Variants in GALNTL6 observed in about 807,000 individuals in gnomAD.
The protein encoded by GALNTL6 is polypeptide N-acetylgalactosaminyltransferase like 6.
In GALNTL6, 46 loss-of-function variants were observed where a neutral mutation model predicts 73.7. That is an observed-to-expected ratio of 0.62 (90% CI 0.49 to 0.80). The LOEUF is 0.80. GALNTL6 is among the 30% of genes least tolerant of loss of function. The pLI is 0.00. For missense variants in GALNTL6, 604 were observed against 755.0 expected, an observed-to-expected ratio of 0.80 and a Z score of 2.34; for synonymous variants, 259 against 263.7, an observed-to-expected ratio of 0.98 and a Z score of 0.17.
intron 3 of GALNTL6, among the ~76,000 whole-genome samples, chr4:172,285,387 C>T (rs1459384225): frequency 6.6e-6 from 1 of 152,016 alleles, no homozygotes; most frequent in Non-Finnish European, 1.5e-5. Flanking sequence ...ATACCTAATC[C>T]CCATCCTGCC....
Position 171,987,318 on chromosome 4 carries a change from C to A in GALNTL6, c.138+172600C>A, listed in dbSNP as rs180873626. 1.8e-3 allele frequency among the ~76,000 whole-genome samples: 274 copies of A among 152,246 alleles called. 6 individuals carry two copies. In the East Asian group the frequency reaches 0.044, roughly 24 times the overall value. Reference sequence around the variant, plus strand: ...AAAGGTTTGACTGAATACTAAGAGCCTGAAAAACTGCTTGGCTGATTTGAC... The same window carrying A: ...AAAGGTTTGACTGAATACTAAGAGCATGAAAAACTGCTTGGCTGATTTGAC... On this transcript the variant is annotated intron_variant, in intron 2 of 12. Coordinates refer to ENST00000506823, the MANE Select transcript of GALNTL6 (RefSeq NM_001034845.3).
chr4:172,843,182 A>C (rs914363611), intron 7 of GALNTL6, among the ~76,000 whole-genome samples: 1 of 152,092 alleles, frequency 6.6e-6, no homozygotes, highest in Non-Finnish European at 1.5e-5. Context: ...TTTCCCTCCA[A>C]GGGCAGATTA....
intron 2 of GALNTL6, among the ~76,000 whole-genome samples, chr4:171,933,314 A>AT (rs1189531430): frequency 1.3e-5 from 2 of 152,190 alleles, no homozygotes; most frequent in Non-Finnish European, 2.9e-5. Flanking sequence ...ATAATTTTAA[A>AT]TTTATAGAAA....
At chr4:172,574,331 T>C (rs1012382902) in intron 5 of GALNTL6, among the ~76,000 whole-genome samples, 21 of 152,058 alleles carry the variant, frequency 1.4e-4, no homozygotes, top group African/African-American at 4.3e-4. Context: ...GAATCTGTGA[T>C]TGGAAATTGT....
At chr4:171,935,535 C>T (rs1738313643) in intron 2 of GALNTL6, among the ~76,000 whole-genome samples, 1 of 152,118 alleles carries the variant, frequency 6.6e-6, no homozygotes, top group Admixed American at 6.6e-5. Context: ...GTGGCATGAT[C>T]ATAGTTCATT....
At position 172,548,529 on chromosome 4, in the gene GALNTL6, G is replaced by A. The variant is rs1031449383; in HGVS notation, c.553+199840G>A. ...TAATTTTAGTTGTATAAACATTAGA[G>A]CAATCTAAAGTTTAAATTACATTTT... On this transcript the variant is annotated intron_variant, in intron 5 of 12. Transcript: ENST00000506823. Among the ~76,000 whole-genome samples, 5 of 152,222 alleles carry A rather than the reference G, an allele frequency of 3.3e-5. No homozygotes were observed. The East Asian group carries it at 5.8e-4, about 18-fold the overall frequency.
intron 5 of GALNTL6, among the ~76,000 whole-genome samples, chr4:172,515,677 C>T (rs1207377912): frequency 6.6e-6 from 1 of 152,220 alleles, no homozygotes; most frequent in African/African-American, 2.4e-5. Context: ...CCCTTTCGGG[C>T]AAGGTGGAGA....
At chr4:172,403,667 A>G (rs753144612) in intron 5 of GALNTL6, among the ~76,000 whole-genome samples, 5 of 152,168 alleles carry the variant, frequency 3.3e-5, no homozygotes, top group Admixed American at 6.6e-5. Context: ...ATATATTTGC[A>G]TAGACACATA....
At chr4:172,513,849 CT>C (rs1476175869) in intron 5 of GALNTL6, among the ~76,000 whole-genome samples, 1 of 152,116 alleles carries the variant, frequency 6.6e-6, no homozygotes, top group Non-Finnish European at 1.5e-5. Context: ...GGGACCTTGA[CT>C]TTCGTTTTGT....
intron 3 of GALNTL6, among the ~76,000 whole-genome samples, chr4:172,296,806 A>T: frequency 6.6e-6 from 1 of 152,218 alleles, no homozygotes; most frequent in Non-Finnish European, 1.5e-5. Context: ...TATTGTGAAT[A>T]GTGCCGCAAT....
chr4:172,179,891 T>A (rs1196265095), intron 2 of GALNTL6, among the ~76,000 whole-genome samples: 1 of 152,194 alleles, frequency 6.6e-6, no homozygotes, highest in African/African-American at 2.4e-5. Flanking sequence ...TTGTGAACAG[T>A]GCTGCAATAA....
chr4:172,705,298 G>GTA (rs1448048887), intron 5 of GALNTL6, among the ~76,000 whole-genome samples: 3 of 149,450 alleles, frequency 2.0e-5, no homozygotes, highest in African/African-American at 7.4e-5. Context: ...TTTTCTGGTA[G>GTA]TATATTTCAA....
chr4:172,721,533 G>C (rs572238726), intron 5 of GALNTL6, among the ~76,000 whole-genome samples: 2 of 152,268 alleles, frequency 1.3e-5, no homozygotes, highest in African/African-American at 4.8e-5. Context: ...TCAATCTTCA[G>C]CTTTCTTAAA....
chr4:172,034,244 C>T (rs1201459751), intron 2 of GALNTL6, among the ~76,000 whole-genome samples: 1 of 152,098 alleles, frequency 6.6e-6, no homozygotes, highest in Non-Finnish European at 1.5e-5. Context: ...GTAGCGCCCT[C>T]TACTGTCTGG....
chr4:172,955,818 A>T lies in GALNTL6; in HGVS notation c.1371+3560A>T, dbSNP rs192153724. On this transcript the variant is annotated intron_variant, in intron 10 of 12. Coordinates refer to ENST00000506823, the MANE Select transcript of GALNTL6 (RefSeq NM_001034845.3). ...GTAGGTAAAGGAAAATTACAGTCAA[A>T]GGGGGGGTTGTTCTCTGGCTGGCAC... is the stretch of plus-strand genomic sequence containing the variant. 4.4e-3 allele frequency among the ~76,000 whole-genome samples: 574 copies of T among 131,844 alleles called. 3 individuals carry two copies. The highest frequency in any genetic ancestry group is 0.016 in the African/African-American group (547 of 34,212). 86.5% of individuals were successfully genotyped at this position (131,844 alleles called of 152,430 possible). A position where few individuals can be genotyped will look rare whatever the true frequency, so the allele number is the denominator to read the frequency against.
chr4:172,136,628 A>T (rs1450128987), intron 2 of GALNTL6, among the ~76,000 whole-genome samples: 17 of 151,882 alleles, frequency 1.1e-4, no homozygotes, highest in South Asian at 6.2e-4. Context: ...ATGCCTATTT[A>T]AATTTTGAAA....
chr4:172,977,214 A>C (rs557874929), intron 10 of GALNTL6, among the ~76,000 whole-genome samples: 18 of 152,380 alleles, frequency 1.2e-4, no homozygotes, highest in African/African-American at 4.3e-4. Flanking sequence ...GCCAGAAAGA[A>C]CAACACTCTG....
chr4:172,744,840 C>CGTGTGT (rs3084334), intron 5 of GALNTL6, among the ~76,000 whole-genome samples: 8,646 of 149,286 alleles, frequency 0.058, 273 homozygotes, highest in Non-Finnish European at 0.064. Flanking sequence ...AGTGCGCGTG[C>CGTGTGT]GTGTGTGTGT....
chr4:172,527,921 T>C (rs1179164028), intron 5 of GALNTL6, among the ~76,000 whole-genome samples: 1 of 152,186 alleles, frequency 6.6e-6, no homozygotes, highest in Non-Finnish European at 1.5e-5. Context: ...TCAATGTTCA[T>C]AGATTTCTAG....
Sources: allele counts gnomAD v4.1 joint callset (sites outside exome capture counted in the v4.1 genomes callset), GRCh38; gene constraint gnomAD v4.1.1; transcripts MANE v1.5; gene names NCBI Gene and HGNC (gene_info 2026-07-23, HGNC 2026-07-21).